Variants in RPUSD2 observed in about 807,000 individuals in gnomAD.
RPUSD2 encodes the protein RNA pseudouridine synthase domain containing 2.
A neutral mutation model predicts 41.5 loss-of-function variants in RPUSD2; 31 were observed. The observed-to-expected ratio is 0.75, with a 90% CI of 0.56 to 1.01. RPUSD2 has a LOEUF of 1.01. RPUSD2 is among the 50% of genes least tolerant of loss of function. RPUSD2 has a pLI of 0.00. For synonymous variants in RPUSD2, 305 were observed against 289.7 expected (o/e 1.05, Z -0.54); for missense variants, 749 against 724.7 (o/e 1.03, Z -0.38).
Position 40,571,701 on chromosome 15 carries a change from T to C in RPUSD2, c.704T>C (p.Val235Ala). ...GCTGAGAACGAAGATGTGGTGGTTG[T>C]AGACAAGCCTTCCTCCATTCCCGTT... ...LLAENEDVVV[V>A]DKPSSIPVHP... The change falls in exon 2 of 3, where the codon GTA (valine) becomes GCA (alanine). Residue 235 changes from valine to alanine, a missense_variant. Val to Ala is a moderately conservative substitution (Grantham distance 64, BLOSUM62 0). Transcript: ENST00000315616. 5.6e-6 allele frequency: 9 copies of C among 1,614,236 alleles called. No homozygotes were observed. Among genetic ancestry groups the C allele is most frequent in the Non-Finnish European group, 7.6e-6 (9 of 1,180,042 alleles).
In RPUSD2 at chr15:40,573,814, T is replaced by C; in HGVS notation, c.1191T>C (p.Ser397=). 1.9e-6 allele frequency: 3 copies of C among 1,614,194 alleles called. No homozygotes were observed. The highest frequency in any genetic ancestry group is 2.5e-6 in the Non-Finnish European group (3 of 1,180,032). ...PIYNSVAWGP[S]RGRGGYIPKT... is the part of the protein sequence containing the mutation. ...ACAACTCAGTTGCCTGGGGTCCTTC[T>C]CGAGGCCGGGGCGGCTACATTCCCA... The change falls in exon 3 of 3, where the codon TCT becomes TCC. Residue 397 remains serine (S), a synonymous_variant. Coordinates refer to ENST00000315616, the MANE Select transcript of RPUSD2 (RefSeq NM_152260.3).
At chr15:40,572,264 C>CAAA (rs66796070) in intron 2 of RPUSD2, among the ~76,000 whole-genome samples, 3 of 94,106 alleles carry the variant, frequency 3.2e-5, no homozygotes, top group Admixed American at 1.1e-4. Flanking sequence ...CCTATCTCTA[C>CAAA]AAAAAAAAAA....
At chr15:40,570,205 G>T in intron 1 of RPUSD2, 1 of 444,322 alleles carries the variant, frequency 2.3e-6, no homozygotes, top group Non-Finnish European at 4.0e-6. Context: ...GACAGAAGTT[G>T]GAATTTTCAT....
At position 40,569,312 on chromosome 15, in the gene RPUSD2, G is replaced by T; in HGVS notation, c.-26G>T. 7.0e-7 allele frequency: 1 copy of T among 1,436,962 alleles called. No individual in the cohort carries two copies. Among genetic ancestry groups the T allele is most frequent in the South Asian group, 1.7e-5 (1 of 59,018 alleles). The allele number at this position is 1,436,962 out of a possible 1,614,324, so 89.0% of individuals were successfully genotyped here. On this transcript the variant is annotated 5_prime_UTR_variant, in exon 1 of 3. Coordinates refer to ENST00000315616, the MANE Select transcript of RPUSD2 (RefSeq NM_152260.3). ...AGTGACGTCCTCAGATCGCGACCCT[G>T]GGAGTGGAGTGGGGGCAGCGTGGTT...
Position 40,573,823 on chromosome 15 carries a change from G to T in RPUSD2, c.1200G>T (p.Arg400=), listed in dbSNP as rs1446272209. 4 of 1,614,060 alleles carry T rather than the reference G, an allele frequency of 2.5e-6. No homozygotes were observed. Among genetic ancestry groups the T allele is most frequent in the African/African-American group, 1.3e-5 (1 of 74,918 alleles). ...TTGCCTGGGGTCCTTCTCGAGGCCGGGGCGGCTACATTCCCAAGACAAACG... is the reference window on the plus strand; with the variant it reads ...TTGCCTGGGGTCCTTCTCGAGGCCGTGGCGGCTACATTCCCAAGACAAACG... ...NSVAWGPSRG[R]GGYIPKTNEE... Residue 400 remains arginine, a synonymous_variant, in exon 3 of 3, where the codon CGG becomes CGT. Transcript: ENST00000315616.
intron 2 of RPUSD2, among the ~76,000 whole-genome samples, chr15:40,572,528 G>A (rs760696359): frequency 2.0e-5 from 3 of 148,900 alleles, no homozygotes; most frequent in East Asian, 4.0e-4. Flanking sequence ...TCGCGCCACC[G>A]CACTCCAGCC....
Position 40,569,416 on chromosome 15 carries a change from A to T in RPUSD2, c.79A>T (p.Thr27Ser). 6.4e-7 allele frequency: 1 copy of T among 1,550,580 alleles called. No individual in the cohort carries two copies. Among genetic ancestry groups the T allele is most frequent in the Non-Finnish European group, 8.7e-7 (1 of 1,154,424 alleles). The change falls in exon 1 of 3, where the codon ACT (threonine) becomes TCT (serine). Residue 27 changes from threonine to serine, a missense_variant. Coordinates refer to ENST00000315616, the MANE Select transcript of RPUSD2 (RefSeq NM_152260.3). ...CCTTAGGCGCCCTAGCTTTACCAGG[A>T]CTTGGAGTGGCGATAAGGGCCCAAT... ...YDLRRPSFTR[T>S]WSGDKGPMAE...
chr15:40,573,016 TTTTC>T (rs1255737581), intron 2 of RPUSD2, among the ~76,000 whole-genome samples: 1 of 117,300 alleles, frequency 8.5e-6, no homozygotes, highest in East Asian at 2.1e-4. Context: ...TTTTCTTTTC[TTTTC>T]TTTTTTTTTT....
In RPUSD2 at chr15:40,571,595, C is replaced by T; in HGVS notation, c.607-9C>T. On this transcript the variant is annotated splice_polypyrimidine_tract_variant and intron_variant, in intron 1 of 2. Coordinates refer to ENST00000315616, the MANE Select transcript of RPUSD2 (RefSeq NM_152260.3). Reference sequence around the variant, plus strand: ...CCCTAGGCTGACTTATTACCTATGTCTTTGACAGGACAATGATTTCTTGCG... The same window carrying T: ...CCCTAGGCTGACTTATTACCTATGTTTTTGACAGGACAATGATTTCTTGCG... 6.2e-7 allele frequency: 1 copy of T among 1,613,558 alleles called. No individual in the cohort carries two copies. Among genetic ancestry groups the T allele is most frequent in the Non-Finnish European group, 8.5e-7 (1 of 1,179,568 alleles).
intron 2 of RPUSD2, 86 bp downstream of exon 2, chr15:40,571,986 G>T: frequency 1.4e-6 from 2 of 1,390,100 alleles, no homozygotes; most frequent in South Asian, 2.7e-5. Context: ...TTCCGAAGTG[G>T]TCCTTCATAT....
intron 1 of RPUSD2, among the ~76,000 whole-genome samples, chr15:40,570,989 ATTAT>A (rs1465899929): frequency 3.3e-5 from 5 of 150,258 alleles, no homozygotes; most frequent in Non-Finnish European, 7.4e-5. Context: ...TTTTACCTTG[ATTAT>A]TTATTTTTTT....
rs1271581505 is a variant in RPUSD2, at chr15:40,573,518, C to T, written c.904-9C>T. On this transcript the variant is annotated splice_polypyrimidine_tract_variant and intron_variant, in intron 2 of 2. Coordinates refer to ENST00000315616, the MANE Select transcript of RPUSD2 (RefSeq NM_152260.3). ...TGTACTGACTTTCTCCCTCTTCCCTCCTATGTAGCTGGAGAAGGAGTACGT... is the reference window on the plus strand; with the variant it reads ...TGTACTGACTTTCTCCCTCTTCCCTTCTATGTAGCTGGAGAAGGAGTACGT... 2 of 1,604,680 alleles carry T rather than the reference C, an allele frequency of 1.2e-6. No homozygotes were observed. The highest frequency in any genetic ancestry group is 1.7e-6 in the Non-Finnish European group (2 of 1,175,072).
chr15:40,571,935 T>C (rs759947904), intron 2 of RPUSD2, 35 bp downstream of exon 2: 2 of 1,598,470 alleles, frequency 1.3e-6, no homozygotes, highest in South Asian at 1.1e-5. Context: ...AGGCCACTTC[T>C]TGGGCTCACG....
At chr15:40,571,530 G>T in intron 1 of RPUSD2, 74 bp from the exon 2 acceptor site, 1 of 1,389,550 alleles carries the variant, frequency 7.2e-7, no homozygotes, top group East Asian at 2.4e-5. Context: ...TGAGGAACAG[G>T]GGAAGCTGGA....
intron 1 of RPUSD2, among the ~76,000 whole-genome samples, chr15:40,571,310 T>C (rs1226135837): frequency 2.0e-5 from 3 of 152,238 alleles, no homozygotes; most frequent in Admixed American, 2.0e-4. Flanking sequence ...AATACCTTTA[T>C]TGTAGAGAAA....
At chr15:40,571,094 G>A (rs1382724949) in intron 1 of RPUSD2, among the ~76,000 whole-genome samples, 2 of 151,852 alleles carry the variant, frequency 1.3e-5, no homozygotes, top group Admixed American at 1.3e-4. Flanking sequence ...CCAGGTTCAA[G>A]CGATTCTCCT....
chr15:40,571,858 T>C lies in RPUSD2; in HGVS notation c.861T>C (p.Ala287=). ...TSGVLMFAKT[A]AVSERIHEQV... ...GGGTGCTTATGTTTGCCAAGACAGC[T>C]GCAGTCTCTGAGAGAATTCACGAGC... Residue 287 remains alanine, a synonymous_variant, in exon 2 of 3, where the codon GCT becomes GCC. Transcript: ENST00000315616. The C allele has an allele frequency of 6.2e-7, 1 of 1,614,184 alleles. No individual in the cohort carries two copies. Among genetic ancestry groups the C allele is most frequent in the Middle Eastern group, 1.7e-4 (1 of 6,056 alleles).
At position 40,574,325 on chromosome 15, in the gene RPUSD2, T is replaced by C. The variant is rs1891211844; in HGVS notation, c.*64T>C. 5.2e-6 allele frequency: 8 copies of C among 1,546,844 alleles called. No individual in the cohort carries two copies. The highest frequency in any genetic ancestry group is 1.4e-5 in the African/African-American group (1 of 73,552). On this transcript the variant is annotated 3_prime_UTR_variant, in exon 3 of 3. Transcript: ENST00000315616. The stretch of plus-strand genomic sequence containing the variant: ...CAAGGATGGGCTATAGGGCAAGGGC[T>C]GACCCCATGGGCTAGTACTTGGGGT...
chr15:40,574,368 C>T lies in RPUSD2; in HGVS notation c.*107C>T, dbSNP rs554522321. ...CTTGGGGTTTCTATAGGAATGAGGACGGGCTTCTAAAGAGACCTGCTCATA... is the reference window on the plus strand; with the variant it reads ...CTTGGGGTTTCTATAGGAATGAGGATGGGCTTCTAAAGAGACCTGCTCATA... On this transcript the variant is annotated 3_prime_UTR_variant, in exon 3 of 3. Transcript: ENST00000315616. 3.6e-5 allele frequency: 50 copies of T among 1,395,642 alleles called. No homozygotes were observed. In the Middle Eastern group the frequency reaches 8.0e-4, roughly 22 times the overall value. 86.5% of individuals were successfully genotyped at this position (1,395,642 alleles called of 1,614,324 possible). A position where few individuals can be genotyped will look rare whatever the true frequency, so the allele number is the denominator to read the frequency against.
Sources: allele counts gnomAD v4.1 joint callset (sites outside exome capture counted in the v4.1 genomes callset), GRCh38; gene constraint gnomAD v4.1.1; transcripts MANE v1.5; gene names NCBI Gene and HGNC (gene_info 2026-07-23, HGNC 2026-07-21).